The following RBFOX3 variants were observed in gnomAD, a reference collection of about 807,000 sequenced individuals.
The protein encoded by RBFOX3 is RNA binding fox-1 homolog 3, also known as RNA binding protein fox-1 homolog 3.
In RBFOX3, 17 loss-of-function variants were observed where a neutral mutation model predicts 48.7. The ratio of observed to expected loss-of-function variants is 0.35; its 90% confidence interval spans 0.24 to 0.52. The LOEUF is 0.52. RBFOX3 is among the 20% of genes least tolerant of loss of function. The probability of loss-of-function intolerance (pLI) is 0.94; values close to 1 mark genes in which losing one functional copy is unlikely to be tolerated. For synonymous variants in RBFOX3, 212 were observed against 209.5 expected, an observed-to-expected ratio of 1.01 and a Z score of -0.10; for missense variants, 382 against 497.5, an observed-to-expected ratio of 0.77 and a Z score of 2.21.
intron 2 of RBFOX3, among the ~76,000 whole-genome samples, chr17:79,424,549 G>A (rs2067015234): frequency 6.6e-6 from 1 of 152,110 alleles, no homozygotes; most frequent in East Asian, 1.9e-4. Flanking sequence ...CACTGGCCTG[G>A]GGCTTCTTCC....
intron 4 of RBFOX3, among the ~76,000 whole-genome samples, chr17:79,121,970 G>A (rs1283985717): frequency 1.3e-5 from 2 of 152,034 alleles, no homozygotes; most frequent in South Asian, 4.2e-4. Flanking sequence ...GGGGTTTGAC[G>A]TGCCCCCAAA....
At chr17:79,144,713 C>T (rs1331149379) in intron 4 of RBFOX3, among the ~76,000 whole-genome samples, 2 of 152,222 alleles carry the variant, frequency 1.3e-5, no homozygotes, top group Non-Finnish European at 2.9e-5. Context: ...GGCCAATGAA[C>T]CTCTCTGGGT....
At chr17:79,143,440 C>A (rs2042345799) in intron 4 of RBFOX3, among the ~76,000 whole-genome samples, 1 of 151,614 alleles carries the variant, frequency 6.6e-6, no homozygotes, top group Non-Finnish European at 1.5e-5. Flanking sequence ...AGCTCCACCT[C>A]TGACCCTCTT....
chr17:79,463,214 T>TCCACTGCCATCGCCACTG (rs1434189566), intron 2 of RBFOX3, among the ~76,000 whole-genome samples: 4 of 84,188 alleles, frequency 4.8e-5, no homozygotes, highest in East Asian at 3.7e-4. Context: ...CACTGCCACC[T>TCCACTGCCATCGCCACTG]CCACTGCCAT....
chr17:79,656,813 AAGAGAAAG>A, the RBFOX3 span, among the ~76,000 whole-genome samples: 5 of 73,532 alleles, frequency 6.8e-5, no homozygotes, highest in Admixed American at 1.3e-4. Context: ...AAAGAAAAGA[AAGAGAAAG>A]AAAGAAAGAA....
the RBFOX3 span, among the ~76,000 whole-genome samples, chr17:79,639,922 G>A: frequency 7.2e-5 from 11 of 152,154 alleles, no homozygotes; most frequent in African/African-American, 2.7e-4. Context: ...TGCGAGTAAA[G>A]GATGCCCACT....
In RBFOX3 at chr17:79,391,420, C is replaced by T. The variant is rs1192597031; in HGVS notation, c.-174-83596G>A. Among the ~76,000 whole-genome samples, 1 of 152,182 alleles carries T rather than the reference C, an allele frequency of 6.6e-6. No individual in the cohort carries two copies. On this transcript the variant is annotated intron_variant, in intron 2 of 14. Transcript: ENST00000693108. The surrounding 1 kb of genome is among the most constrained non-coding windows in gnomAD (Gnocchi z 5.0). ...CACTCGGGCAGGTTACCTAACTTCT[C>T]TGAGCCTCAGTCTCCTCTGCTTAAT...
In RBFOX3 at chr17:79,178,912, G is replaced by C. The variant is rs1330228637; in HGVS notation, c.-34+56854C>G. Among the ~76,000 whole-genome samples, 8 of 152,178 alleles carry C rather than the reference G, an allele frequency of 5.3e-5. No individual in the cohort carries two copies. In the East Asian group the frequency reaches 1.5e-3, roughly 29 times the overall value. ...GGCTGCAGCCAGCAGACCAGACCTG[G>C]GCAGCAATGGATGCTGCCGCGGGTG... On this transcript the variant is annotated intron_variant, in intron 4 of 14. Transcript: ENST00000693108.
At chr17:79,318,852 C>T (rs2077942436) in intron 2 of RBFOX3, among the ~76,000 whole-genome samples, 1 of 21,778 alleles carries the variant, frequency 4.6e-5, no homozygotes, top group Non-Finnish European at 7.2e-5. Flanking sequence ...GAGACTCCAT[C>T]TCAAAAAAAA....
At chr17:79,438,004 T>G (rs1160725448) in intron 2 of RBFOX3, among the ~76,000 whole-genome samples, 3 of 151,914 alleles carry the variant, frequency 2.0e-5, no homozygotes, top group Non-Finnish European at 4.4e-5. Flanking sequence ...CAGGTACACA[T>G]GTACACAGAG....
At chr17:79,321,793 C>T (rs946538033) in intron 2 of RBFOX3, among the ~76,000 whole-genome samples, 1 of 150,222 alleles carries the variant, frequency 6.7e-6, no homozygotes, top group African/African-American at 2.5e-5. Context: ...GCAACCTCTG[C>T]CTCCCCGGTT....
intron 4 of RBFOX3, among the ~76,000 whole-genome samples, chr17:79,139,988 G>A: frequency 6.6e-6 from 1 of 152,166 alleles, no homozygotes; most frequent in South Asian, 2.1e-4. Context: ...GGCCAGGCCT[G>A]GTGTCCAGCT....
At chr17:79,472,315 A>C (rs2077153792) in intron 2 of RBFOX3, among the ~76,000 whole-genome samples, 1 of 152,250 alleles carries the variant, frequency 6.6e-6, no homozygotes, top group African/African-American at 2.4e-5. Flanking sequence ...TTGCAAAAAT[A>C]GTACAGAAAA....
At position 79,090,552 on chromosome 17, in the gene RBFOX3, G is replaced by GC. The variant is rs545070571; in HGVS notation, c.*330dup. ...AAAGGAAGACTGGATGGAAAACAGA[G>GC]CCCCCCACGGGTCCCACAAGGGAGG... On this transcript the variant is annotated 3_prime_UTR_variant, in exon 15 of 15. Transcript: ENST00000693108. The GC allele has an allele frequency of 7.9e-4, 275 of 348,990 alleles. 1 individual carries two copies. Among genetic ancestry groups the GC allele is most frequent in the South Asian group, 7.2e-3 (110 of 15,342 alleles). The allele number at this position is 348,990 out of a possible 1,614,324, so 21.6% of individuals were successfully genotyped here.
chr17:79,141,751 G>A (rs180687583), intron 4 of RBFOX3, among the ~76,000 whole-genome samples: 188 of 152,272 alleles, frequency 1.2e-3, no homozygotes, highest in African/African-American at 4.2e-3. Flanking sequence ...TCCCTGGGCA[G>A]GCTGTGTGAG....
rs547727987 is a variant in RBFOX3, at chr17:79,380,188, C to T, written c.-174-72364G>A. ...CCCACCTAACAAATCTCCACAATCC[C>T]CCCCTTGCCACCCCTCCCCCAGGCT... On this transcript the variant is annotated intron_variant, in intron 2 of 14. Coordinates refer to ENST00000693108, the MANE Select transcript of RBFOX3 (RefSeq NM_001350451.2). Among the ~76,000 whole-genome samples the T allele has an allele frequency of 6.6e-5, 10 of 152,164 alleles. No individual in the cohort carries two copies. In the East Asian group the frequency reaches 1.6e-3, roughly 24 times the overall value.
chr17:79,354,458 C>T (rs979613583), intron 2 of RBFOX3, among the ~76,000 whole-genome samples: 1 of 152,258 alleles, frequency 6.6e-6, no homozygotes, highest in Non-Finnish European at 1.5e-5. Flanking sequence ...AGAGTGAGGA[C>T]ACCCCAGCCC....
intron 5 of RBFOX3, among the ~76,000 whole-genome samples, chr17:79,110,551 C>A (rs192515021): frequency 1.3e-5 from 2 of 152,208 alleles, no homozygotes; most frequent in African/African-American, 4.8e-5. Flanking sequence ...TCCTCGACAG[C>A]GCCGTCTCCC....
At chr17:79,313,517 G>A (rs2077129313) in intron 2 of RBFOX3, among the ~76,000 whole-genome samples, 1 of 152,170 alleles carries the variant, frequency 6.6e-6, no homozygotes, top group Admixed American at 6.5e-5. Context: ...CCAGGGCTCT[G>A]GTCAGTGTAG....
Sources: gnomAD v4.1 joint callset for allele counts (sites outside exome capture counted in the v4.1 genomes callset) on GRCh38, gnomAD v4.1.1 for gene constraint, Gnocchi (gnomAD v3.1) non-coding constraint, MANE v1.5 for transcripts, NCBI Gene and HGNC (gene_info 2026-07-23, HGNC 2026-07-21) for gene names.